The following PCDHA12 variants were observed in gnomAD, a reference collection of about 807,000 sequenced individuals.
PCDHA12 encodes the protein protocadherin alpha 12, also known as protocadherin alpha-12.
A neutral mutation model predicts 60.0 loss-of-function variants in PCDHA12; 44 were observed. The ratio of observed to expected loss-of-function variants is 0.73; its 90% CI spans 0.58 to 0.94. The LOEUF (loss-of-function observed/expected upper bound fraction) is 0.94. Ranked by LOEUF, PCDHA12 falls within the 40% of genes least tolerant of loss-of-function variation. The pLI is 0.00. For synonymous variants in PCDHA12, 569 were observed against 553.0 expected, an observed-to-expected ratio of 1.03 and a Z score of -0.40; for missense variants, 1,276 against 1,239.7, an observed-to-expected ratio of 1.03 and a Z score of -0.44.
At chr5:140,928,634 C>G in intron 1 of PCDHA12, 1 of 1,614,216 alleles carries the variant, frequency 6.2e-7, no homozygotes, top group Non-Finnish European at 8.5e-7. Flanking sequence ...CACTTGGTCA[C>G]AAAAGTGGTA....
chr5:140,937,805 G>T (rs1192616946), intron 1 of PCDHA12, among the ~76,000 whole-genome samples: 1 of 149,924 alleles, frequency 6.7e-6, no homozygotes, highest in Admixed American at 6.6e-5. Flanking sequence ...CCAGCTACTC[G>T]GGAAGCTGAG....
In PCDHA12 at chr5:141,009,879, A is replaced by T. The variant is rs2098415109; in HGVS notation, c.2768A>T (p.Asn923Ile). The T allele has an allele frequency of 1.2e-6, 2 of 1,613,766 alleles. No individual in the cohort carries two copies. The highest frequency in any genetic ancestry group is 3.3e-5 in the Admixed American group (2 of 59,900). Reference sequence around the variant, plus strand: ...AAAAAGAAGAAAAAGAAGAAGGGTAACAAGACCCAGGAGAAAAAAGAGAAA... The same window carrying T: ...AAAAAGAAGAAAAAGAAGAAGGGTATCAAGACCCAGGAGAAAAAAGAGAAA... The part of the protein sequence containing the change: ...TKKKKKKKKG[N>I]KTQEKKEKGN... Residue 923 changes from asparagine to isoleucine, a missense_variant, in exon 4 of 4, where the codon AAC (asparagine) becomes ATC (isoleucine). Coordinates refer to ENST00000398631, the MANE Select transcript of PCDHA12 (RefSeq NM_018903.4).
intron 1 of PCDHA12, among the ~76,000 whole-genome samples, chr5:140,915,626 G>GTTTCTC (rs149393620): frequency 6.8e-6 from 1 of 146,436 alleles, no homozygotes; most frequent in African/African-American, 2.5e-5. Context: ...GTCTCTTTCT[G>GTTTCTC]TCTCTCTCTC....
At chr5:140,880,241 C>T (rs529552139) in intron 1 of PCDHA12, among the ~76,000 whole-genome samples, 12 of 150,302 alleles carry the variant, frequency 8.0e-5, no homozygotes, top group South Asian at 4.2e-4. Flanking sequence ...AGTGTATGTG[C>T]GTGTGTGTAT....
chr5:141,003,981 C>T (rs1485203944), intron 3 of PCDHA12, among the ~76,000 whole-genome samples: 9 of 152,072 alleles, frequency 5.9e-5, no homozygotes, highest in Admixed American at 2.6e-4. Flanking sequence ...GGGGACTTGC[C>T]GGAGATCCTA....
At chr5:140,884,536 G>A in intron 1 of PCDHA12, 11 of 1,614,090 alleles carry the variant, frequency 6.8e-6, no homozygotes, top group African/African-American at 1.3e-5. Context: ...AGAGGCGGCC[G>A]AGGGTGTGCT....
intron 1 of PCDHA12, among the ~76,000 whole-genome samples, chr5:140,952,912 C>A (rs1554220675): frequency 6.6e-6 from 1 of 152,042 alleles, no homozygotes; most frequent in East Asian, 1.9e-4. Flanking sequence ...GCTCATCTTA[C>A]ATGGCATGAG....
At chr5:140,926,879 C>G in intron 1 of PCDHA12, 1 of 1,534,480 alleles carries the variant, frequency 6.5e-7, no homozygotes, top group Non-Finnish European at 8.8e-7. Flanking sequence ...GGAACGTGGA[C>G]GCCTAGAGGG....
intron 1 of PCDHA12, 66 bp from the exon 2 acceptor site, chr5:140,978,883 T>C: frequency 6.2e-7 from 1 of 1,611,182 alleles, no homozygotes; most frequent in Non-Finnish European, 8.5e-7. Flanking sequence ...ACTAATCAAT[T>C]AGCAGCATTC....
intron 1 of PCDHA12, chr5:140,882,304 G>A (rs1046715245): frequency 1.2e-6 from 2 of 1,613,750 alleles, no homozygotes; most frequent in Non-Finnish European, 1.7e-6. Context: ...CAAGACCGCG[G>A]CAACTACTGC....
chr5:140,878,079 T>C (rs1453461494), intron 1 of PCDHA12: 1 of 346,026 alleles, frequency 2.9e-6, no homozygotes, highest in Non-Finnish European at 4.9e-6. Context: ...TTTTCTATAA[T>C]ATTTTATATG....
rs1019135464 is a variant in PCDHA12, at chr5:140,897,033, A to G, written c.2367+19194A>G. On this transcript the variant is annotated intron_variant, in intron 1 of 3. Transcript: ENST00000398631. ...TATACAACTAAATTATTTAGACCAT[A>G]GTCACCCTATTCTGCTGTCAAATAC... Among the ~76,000 whole-genome samples, 4 of 152,124 alleles carry G rather than the reference A, an allele frequency of 2.6e-5. No homozygotes were observed. The East Asian group carries it at 7.7e-4, about 29-fold the overall frequency.
In PCDHA12 at chr5:140,928,308, C is replaced by T. The variant is rs1554205728; in HGVS notation, c.2367+50469C>T. On this transcript the variant is annotated intron_variant, in intron 1 of 3. Transcript: ENST00000398631. The stretch of plus-strand genomic sequence containing the variant: ...TAGGCCGAGTGTTTGCCCAGGACCC[C>T]GACCTGGGGAAGAATGGCCTTGTCT... 3.7e-6 allele frequency: 6 copies of T among 1,614,008 alleles called. No individual in the cohort carries two copies. The South Asian group carries it at 5.5e-5, about 15-fold the overall frequency.
chr5:140,928,007 ATGG>A (rs1183344805), intron 1 of PCDHA12: 2 of 1,613,998 alleles, frequency 1.2e-6, no homozygotes, highest in Non-Finnish European at 1.7e-6. Context: ...CTCGATTCTA[ATGG>A]TAGGGTCATT....
intron 1 of PCDHA12, among the ~76,000 whole-genome samples, chr5:140,936,092 C>T (rs941947685): frequency 1.3e-5 from 2 of 152,034 alleles, no homozygotes; most frequent in Admixed American, 6.6e-5. Context: ...AGGGTTTCAC[C>T]ATGTTGGCCA....
chr5:140,946,517 G>A (rs138420578), intron 1 of PCDHA12, among the ~76,000 whole-genome samples: 8 of 151,024 alleles, frequency 5.3e-5, no homozygotes, highest in Admixed American at 1.3e-4. Flanking sequence ...AGACCTATCC[G>A]CACTCCCATG....
chr5:140,897,975 C>T (rs2066435180), intron 1 of PCDHA12, among the ~76,000 whole-genome samples: 1 of 152,228 alleles, frequency 6.6e-6, no homozygotes. Context: ...CTTTTGGCTG[C>T]ATAAATGTCT....
chr5:140,971,652 G>A (rs1554233517), intron 1 of PCDHA12, among the ~76,000 whole-genome samples: 1 of 152,134 alleles, frequency 6.6e-6, no homozygotes, highest in African/African-American at 2.4e-5. Context: ...ATTAAAAGTA[G>A]ATGGGAATTA....
chr5:140,881,743 A>C (rs964884426), intron 1 of PCDHA12, among the ~76,000 whole-genome samples: 4 of 152,182 alleles, frequency 2.6e-5, no homozygotes, highest in African/African-American at 9.7e-5. Flanking sequence ...CAGGAAGAGG[A>C]CAGTACCACA....
Sources: gnomAD v4.1 joint callset for allele counts (sites outside exome capture counted in the v4.1 genomes callset) on GRCh38, gnomAD v4.1.1 for gene constraint, MANE v1.5 for transcripts, NCBI Gene and HGNC (gene_info 2026-07-23, HGNC 2026-07-21) for gene names.